The following FAM110B variants were observed in gnomAD, a reference collection of about 807,000 sequenced individuals.
FAM110B encodes the protein family with sequence similarity 110 member B, also known as protein FAM110B.
In FAM110B, 6 loss-of-function variants were observed where a neutral mutation model predicts 20.4. The observed-to-expected ratio is 0.29, with a 90% CI of 0.16 to 0.58. The LOEUF (loss-of-function observed/expected upper bound fraction) is 0.58. FAM110B is among the 20% of genes least tolerant of loss of function. The pLI, the probability that FAM110B is intolerant of heterozygous loss-of-function variation, is 0.90. For synonymous variants in FAM110B, 226 were observed against 214.1 expected (o/e 1.06, Z -0.49); for missense variants, 434 against 498.2 (o/e 0.87, Z 1.23).
chr8:58,090,398 C>G (rs1172144702), intron 3 of FAM110B, among the ~76,000 whole-genome samples: 1 of 152,212 alleles, frequency 6.6e-6, no homozygotes, highest in African/African-American at 2.4e-5. Context: ...TAAGCTCAGG[C>G]AGTTTGCCTG....
intron 3 of FAM110B, among the ~76,000 whole-genome samples, chr8:58,135,107 G>A (rs1288961329): frequency 1.3e-5 from 2 of 152,186 alleles, no homozygotes; most frequent in East Asian, 3.8e-4. Context: ...AGCCATCCTT[G>A]TACCCACTTT....
chr8:58,063,363 T>C (rs949614507), intron 2 of FAM110B, among the ~76,000 whole-genome samples: 12 of 152,202 alleles, frequency 7.9e-5, no homozygotes, highest in African/African-American at 2.7e-4. Flanking sequence ...ATAAAAACTA[T>C]TGATGCTGTA....
intron 3 of FAM110B, among the ~76,000 whole-genome samples, chr8:58,075,842 C>T (rs949359928): frequency 3.9e-5 from 6 of 152,158 alleles, no homozygotes; most frequent in African/African-American, 1.2e-4. Context: ...GGCTGTTTGC[C>T]GTTCCAAGGG....
At chr8:58,072,875 G>A (rs1365647688) in intron 2 of FAM110B, among the ~76,000 whole-genome samples, 2 of 152,238 alleles carry the variant, frequency 1.3e-5, no homozygotes, top group South Asian at 2.1e-4. Flanking sequence ...TGAACAAGGT[G>A]TGGAAAATAT....
chr8:58,022,739 T>G (rs1335094628), intron 1 of FAM110B, among the ~76,000 whole-genome samples: 1 of 152,214 alleles, frequency 6.6e-6, no homozygotes, highest in Non-Finnish European at 1.5e-5. Context: ...ATAGCTTTTC[T>G]TAGGGAAGGC....
intron 2 of FAM110B, among the ~76,000 whole-genome samples, chr8:58,034,606 C>G (rs1004897707): frequency 1.4e-4 from 21 of 152,156 alleles, no homozygotes; most frequent in African/African-American, 4.8e-4. Flanking sequence ...ATTCATCCAT[C>G]AAAGCAGAAT....
intron 3 of FAM110B, among the ~76,000 whole-genome samples, chr8:58,124,907 C>T (rs532167305): frequency 7.2e-5 from 11 of 152,154 alleles, no homozygotes; most frequent in Admixed American, 2.0e-4. Flanking sequence ...TAGACCGCAA[C>T]GTCAACTCTG....
rs1803914328 is a variant in FAM110B, at chr8:58,148,172, T to TTG, written c.*830_*831insGT. On this transcript the variant is annotated 3_prime_UTR_variant, in exon 4 of 4. Transcript: ENST00000519262. ...AAAAAAGTTGTGGTTTTTTGTTTTT[T>TTG]TTTTTTTTTTTTTTGGTCGAGAACT... 2.8e-5 allele frequency: 4 copies of TTG among 145,252 alleles called. No homozygotes were observed. The highest frequency in any genetic ancestry group is 7.7e-5 in the African/African-American group (3 of 38,976). 9.0% of individuals were successfully genotyped at this position (145,252 alleles called of 1,614,324 possible).
chr8:58,114,575 A>G (rs372536648), intron 3 of FAM110B, among the ~76,000 whole-genome samples: 5 of 152,168 alleles, frequency 3.3e-5, no homozygotes, highest in African/African-American at 9.7e-5. Flanking sequence ...AAACACTGAC[A>G]GGCGAGTTCC....
intron 3 of FAM110B, among the ~76,000 whole-genome samples, chr8:58,124,710 C>T (rs999504751): frequency 2.0e-5 from 3 of 152,080 alleles, no homozygotes; most frequent in Admixed American, 2.0e-4. Context: ...AACCTAGAAG[C>T]GTATGTTGTT....
At chr8:58,117,672 T>C (rs563264707) in intron 3 of FAM110B, among the ~76,000 whole-genome samples, 1 of 152,314 alleles carries the variant, frequency 6.6e-6, no homozygotes, top group East Asian at 1.9e-4. Context: ...AGAGTCATTG[T>C]TAAGAGTTAA....
At chr8:58,008,375 C>T (rs1287494890) in intron 1 of FAM110B, among the ~76,000 whole-genome samples, 1 of 152,110 alleles carries the variant, frequency 6.6e-6, no homozygotes, top group Admixed American at 6.5e-5. Context: ...TCCAGTGATC[C>T]ACCCTCCTCG....
rs117053281 is a variant in FAM110B at position 58,025,578 on chromosome 8, C to G, written c.-511-6028C>G. 7.8e-3 allele frequency among the ~76,000 whole-genome samples: 1,180 copies of G among 152,150 alleles called. 4 individuals carry two copies. Among genetic ancestry groups the G allele is most frequent in the Non-Finnish European group, 0.012 (839 of 67,994 alleles). ...AGGCATGAGGGCAGGAGGGCATGGT[C>G]ACAACTGGATATGAGAAAGATTAAT... On this transcript the variant is annotated intron_variant, in intron 1 of 3. Coordinates refer to ENST00000519262, the MANE Select transcript of FAM110B (RefSeq NM_001377989.1).
At chr8:58,004,249 C>A (rs1033880974) in intron 1 of FAM110B, among the ~76,000 whole-genome samples, 1 of 152,148 alleles carries the variant, frequency 6.6e-6, no homozygotes, top group Admixed American at 6.5e-5. Flanking sequence ...GTTCCTAAAC[C>A]CAGGGATTGG....
At chr8:58,008,568 A>AT (rs1804462456) in intron 1 of FAM110B, among the ~76,000 whole-genome samples, 1 of 152,296 alleles carries the variant, frequency 6.6e-6, no homozygotes, top group African/African-American at 2.4e-5. Context: ...CACATCAAAC[A>AT]TTTTTTTGTG....
At chr8:58,047,816 T>G (rs1428546311) in intron 2 of FAM110B, among the ~76,000 whole-genome samples, 1 of 152,094 alleles carries the variant, frequency 6.6e-6, no homozygotes, top group Non-Finnish European at 1.5e-5. Flanking sequence ...TATTGATATC[T>G]TAGGGCTTTA....
chr8:58,102,961 T>C (rs1806815998), intron 3 of FAM110B, among the ~76,000 whole-genome samples: 1 of 145,734 alleles, frequency 6.9e-6, no homozygotes, highest in Non-Finnish European at 1.5e-5. Flanking sequence ...GAAAAGTCAG[T>C]CTTTTACCTG....
At chr8:58,069,483 A>G (rs540637790) in intron 2 of FAM110B, among the ~76,000 whole-genome samples, 161 of 152,334 alleles carry the variant, frequency 1.1e-3, no homozygotes, top group African/African-American at 3.6e-3. Flanking sequence ...CCACGTATGT[A>G]TCACAGGATT....
intron 3 of FAM110B, among the ~76,000 whole-genome samples, chr8:58,093,541 A>C (rs1164017081): frequency 6.6e-6 from 1 of 152,198 alleles, no homozygotes; most frequent in Non-Finnish European, 1.5e-5. Flanking sequence ...CAGGCTTGCC[A>C]AAAATCAGAT....
Sources: allele counts gnomAD v4.1 joint callset (sites outside exome capture counted in the v4.1 genomes callset), GRCh38; gene constraint gnomAD v4.1.1; transcripts MANE v1.5; gene names NCBI Gene and HGNC (gene_info 2026-07-23, HGNC 2026-07-21).